Variants in GPR160 observed in about 807,000 individuals in gnomAD.
The protein encoded by GPR160 is G protein-coupled receptor 160.
Under a neutral mutation model 2.6 loss-of-function variants are expected in GPR160, and 2 were observed. The ratio of observed to expected loss-of-function variants is 0.77; its 90% confidence interval spans 0.32 to 2.44. GPR160 has a LOEUF of 2.44. Among genes scored for constraint, GPR160 ranks in the 30% most tolerant of loss-of-function variants. The probability of loss-of-function intolerance (pLI) is 0.11; values close to 1 mark genes in which losing one functional copy is unlikely to be tolerated. For synonymous variants in GPR160, 130 were observed against 132.2 expected, an observed-to-expected ratio of 0.98 and a Z score of 0.12; for missense variants, 351 against 383.6, an observed-to-expected ratio of 0.91 and a Z score of 0.71.
intron 2 of GPR160, among the ~76,000 whole-genome samples, chr3:170,041,362 C>T (rs1056944742): frequency 5.0e-5 from 7 of 140,516 alleles, no homozygotes; most frequent in Non-Finnish European, 9.0e-5. Flanking sequence ...AGTGCAGTGG[C>T]GTGATCTCGG....
chr3:170,052,205 C>G (rs967883674), intron 2 of GPR160, among the ~76,000 whole-genome samples: 3 of 152,216 alleles, frequency 2.0e-5, no homozygotes, highest in Non-Finnish European at 4.4e-5. Flanking sequence ...GGATTATAGG[C>G]GTGAGCCTCT....
intron 2 of GPR160, among the ~76,000 whole-genome samples, chr3:170,045,447 A>AAAAAAAAAAAAAAAAAAC (rs71176546): frequency 8.5e-6 from 1 of 117,352 alleles, no homozygotes. Flanking sequence ...AAAAAAAAAA[A>AAAAAAAAAAAAAAAAAAC]CCAATTAGCC....
intron 2 of GPR160, among the ~76,000 whole-genome samples, chr3:170,048,021 G>A (rs1013929224): frequency 1.3e-5 from 2 of 151,972 alleles, no homozygotes; most frequent in Admixed American, 6.6e-5. Context: ...TAGCGACAGG[G>A]TTTCACCACG....
intron 2 of GPR160, among the ~76,000 whole-genome samples, chr3:170,075,744 G>A (rs943943976): frequency 6.6e-6 from 1 of 152,240 alleles, no homozygotes; most frequent in Admixed American, 6.5e-5. Context: ...CAGAAGCAGA[G>A]ATGAAGCAGG....
At chr3:170,071,796 A>G (rs1055888180) in intron 2 of GPR160, among the ~76,000 whole-genome samples, 3 of 152,176 alleles carry the variant, frequency 2.0e-5, no homozygotes, top group Admixed American at 6.5e-5. Context: ...ACTCTGTATC[A>G]CCAACAGAAA....
At chr3:170,064,326 A>C (rs1046623378) in intron 2 of GPR160, among the ~76,000 whole-genome samples, 19 of 152,198 alleles carry the variant, frequency 1.2e-4, no homozygotes, top group Non-Finnish European at 2.4e-4. Flanking sequence ...GGGTGAGTAC[A>C]CAAGCCCAGA....
In GPR160 at chr3:170,084,011, C is replaced by A. The variant is rs751879750; in HGVS notation, c.39C>A (p.Tyr13Ter). Reference sequence around the variant, plus strand: ...CTTCAGAGAACTGCTCTTTTCAGTACCAGTTACGTCAAACAAACCAGCCCC... The same window carrying A: ...CTTCAGAGAACTGCTCTTTTCAGTAACAGTTACGTCAAACAAACCAGCCCC... ...ALSSENCSFQYQLRQTNQPLD... is the reference protein window; with the variant it reads ...ALSSENCSFQ The change falls in exon 4 of 4, where the codon TAC becomes TAA. Residue 13 changes from tyrosine to a stop codon, truncating the protein, a stop_gained. Coordinates refer to ENST00000355897, the MANE Select transcript of GPR160 (RefSeq NM_014373.3). LOFTEE classifies it low-confidence loss of function (END_TRUNC). 3 of 1,545,822 alleles carry A rather than the reference C, an allele frequency of 1.9e-6. No individual in the cohort carries two copies. The highest frequency in any genetic ancestry group is 2.8e-5 in the African/African-American group (2 of 71,760).
chr3:170,043,299 A>G (rs1471496751), intron 2 of GPR160, among the ~76,000 whole-genome samples: 1 of 152,132 alleles, frequency 6.6e-6, no homozygotes, highest in Non-Finnish European at 1.5e-5. Flanking sequence ...CTCCTGCCTC[A>G]GCCTTCCACG....
chr3:170,066,801 G>A (rs1433309744), intron 2 of GPR160, among the ~76,000 whole-genome samples: 8 of 152,104 alleles, frequency 5.3e-5, no homozygotes, highest in Non-Finnish European at 4.4e-5. Flanking sequence ...GGACATATAT[G>A]TATGTTTGTA....
rs575276949 is a variant in GPR160 at position 170,070,888 on chromosome 3, T to C, written c.-192-8886T>C. Among the ~76,000 whole-genome samples, 8 of 152,338 alleles carry C rather than the reference T, an allele frequency of 5.3e-5. No homozygotes were observed. In the South Asian group the frequency reaches 1.7e-3, roughly 32 times the overall value. ...ATATTTAATGCTGTGAGATGAATAT[T>C]CTTTAAAAATAAGTTAAAACACTCA... On this transcript the variant is annotated intron_variant, in intron 2 of 3. Transcript: ENST00000355897.
At chr3:170,074,609 G>T (rs1256765124) in intron 2 of GPR160, among the ~76,000 whole-genome samples, 1 of 151,978 alleles carries the variant, frequency 6.6e-6, no homozygotes, top group Non-Finnish European at 1.5e-5. Context: ...AGCCTCCCAA[G>T]TAGCTAGGAC....
At chr3:170,078,329 G>A in intron 2 of GPR160, among the ~76,000 whole-genome samples, 1 of 152,038 alleles carries the variant, frequency 6.6e-6, no homozygotes, top group Non-Finnish European at 1.5e-5. Context: ...CAGCCCCACC[G>A]TTACCGGGTA....
At chr3:170,042,325 GTGGGAGGATTGCTTGAGCC>G (rs1716485188) in intron 2 of GPR160, among the ~76,000 whole-genome samples, 1 of 151,476 alleles carries the variant, frequency 6.6e-6, no homozygotes, top group Non-Finnish European at 1.5e-5. Context: ...GGAGGTTGAG[GTGGGAGGATTGCTTGAGCC>G]TGGGAGGTTG....
At chr3:170,040,041 G>A (rs1716381688) in intron 2 of GPR160, among the ~76,000 whole-genome samples, 1 of 152,078 alleles carries the variant, frequency 6.6e-6, no homozygotes. Context: ...GGGGGAAAGG[G>A]GAGGGAGAGC....
chr3:170,070,765 A>ATG (rs1712550805), intron 2 of GPR160, among the ~76,000 whole-genome samples: 1 of 151,972 alleles, frequency 6.6e-6, no homozygotes, highest in African/African-American at 2.4e-5. Context: ...ATGAGAAGGA[A>ATG]CATTTGTTTA....
chr3:170,076,111 T>C (rs914231971), intron 2 of GPR160, among the ~76,000 whole-genome samples: 9 of 152,186 alleles, frequency 5.9e-5, no homozygotes, highest in African/African-American at 2.2e-4. Context: ...GTTATAGTGG[T>C]TGTATCTAGG....
chr3:170,084,046 ACTAT>A lies in GPR160; in HGVS notation c.77_80del (p.Tyr26CysfsTer4), dbSNP rs765693455. 1.9e-6 allele frequency: 3 copies of A among 1,582,862 alleles called. No individual in the cohort carries two copies. Among genetic ancestry groups the A allele is most frequent in the Non-Finnish European group, 2.6e-6 (3 of 1,164,896 alleles). Reference sequence around the variant, plus strand: ...CAAACAAACCAGCCCCTAGATGTTAACTATCTGCTATTCTTGATCATACTTGGGA... The same window carrying A: ...CAAACAAACCAGCCCCTAGATGTTAACTGCTATTCTTGATCATACTTGGGA... On this transcript the variant is annotated frameshift_variant, in exon 4 of 4. Transcript: ENST00000355897. LOFTEE classifies it low-confidence loss of function (END_TRUNC).
chr3:170,049,700 A>G (rs766419030), intron 2 of GPR160, among the ~76,000 whole-genome samples: 25 of 152,204 alleles, frequency 1.6e-4, no homozygotes, highest in Non-Finnish European at 5.9e-5. Flanking sequence ...GGGAATGGAA[A>G]GGAAGTGACG....
intron 2 of GPR160, among the ~76,000 whole-genome samples, chr3:170,060,222 T>C (rs1448959557): frequency 6.6e-6 from 1 of 152,214 alleles, no homozygotes. Context: ...ATGATGGCAG[T>C]GAATTATAAC....
Sources: gnomAD v4.1 joint callset for allele counts (sites outside exome capture counted in the v4.1 genomes callset) on GRCh38, gnomAD v4.1.1 for gene constraint, MANE v1.5 for transcripts, NCBI Gene and HGNC (gene_info 2026-07-23, HGNC 2026-07-21) for gene names.